The following CIBAR1 variants were observed in gnomAD, a reference collection of about 807,000 sequenced individuals.
The protein encoded by CIBAR1 is CBY1-interacting BAR domain-containing protein 1.
In CIBAR1, 25 loss-of-function variants were observed where a neutral mutation model predicts 44.0. The ratio of observed to expected loss-of-function variants is 0.57; its 90% CI spans 0.41 to 0.79. CIBAR1 has a LOEUF of 0.79. Ranked by LOEUF, CIBAR1 falls within the 30% of genes least tolerant of loss-of-function variation. The pLI, the probability that CIBAR1 is intolerant of heterozygous loss-of-function variation, is 0.00. For missense variants in CIBAR1, 278 were observed against 344.8 expected (o/e 0.81, Z 1.53); for synonymous variants, 115 against 119.0 (o/e 0.97, Z 0.22).
chr8:93,708,219 T>C (rs1445408674), intron 5 of CIBAR1, among the ~76,000 whole-genome samples: 1 of 152,164 alleles, frequency 6.6e-6, no homozygotes, highest in Non-Finnish European at 1.5e-5. Context: ...AAATATAATA[T>C]TAGCACAAGA....
chr8:93,702,260 T>A, intron 2 of CIBAR1: 1 of 427,154 alleles, frequency 2.3e-6, no homozygotes, highest in South Asian at 1.7e-5. Flanking sequence ...AGAGTAATCA[T>A]ATTTGGAGGT....
chr8:93,720,513 T>A (rs1811222837), intron 7 of CIBAR1, among the ~76,000 whole-genome samples: 1 of 152,232 alleles, frequency 6.6e-6, no homozygotes, highest in Non-Finnish European at 1.5e-5. Flanking sequence ...TCCCAAGTGT[T>A]AATTCCAAAC....
intron 6 of CIBAR1, among the ~76,000 whole-genome samples, chr8:93,712,072 TAA>T (rs1310840383): frequency 3.3e-5 from 5 of 152,194 alleles, no homozygotes; most frequent in Non-Finnish European, 7.3e-5. Context: ...AAAAATTTTT[TAA>T]AAGACAGGAA....
chr8:93,706,836 A>G (rs533914145), intron 4 of CIBAR1, among the ~76,000 whole-genome samples: 2 of 152,324 alleles, frequency 1.3e-5, no homozygotes, highest in African/African-American at 4.8e-5. Flanking sequence ...AAATGTAGTC[A>G]ATATAAATAT....
chr8:93,701,935 A>G (rs1810376375), intron 2 of CIBAR1: 1 of 201,712 alleles, frequency 5.0e-6, no homozygotes, highest in Admixed American at 5.4e-5. Flanking sequence ...CAACAACAAA[A>G]TGCTATGAAT....
rs2914949 is a variant in CIBAR1 at position 93,703,219 on chromosome 8, G to A, written c.262-401G>A. On this transcript the variant is annotated intron_variant, in intron 2 of 8. Transcript: ENST00000518322. ...GTTATGTTGCTTTAAATGTTTCCAAGATGCTCTGTCTTTCAGCTTTGATTT... is the reference window on the plus strand; with the variant it reads ...GTTATGTTGCTTTAAATGTTTCCAAAATGCTCTGTCTTTCAGCTTTGATTT... Among the ~76,000 whole-genome samples the A allele has an allele frequency of 1.0e-3, 153 of 152,242 alleles. 1 individual carries two copies. The highest frequency in any genetic ancestry group is 3.7e-3 in the African/African-American group (152 of 41,532).
chr8:93,716,806 T>C (rs1305328591), intron 6 of CIBAR1, among the ~76,000 whole-genome samples: 1 of 152,244 alleles, frequency 6.6e-6, no homozygotes, highest in Non-Finnish European at 1.5e-5. Flanking sequence ...CAGCTGTGTT[T>C]TGCATGTGGT....
chr8:93,717,904 C>G (rs1811095402), intron 6 of CIBAR1, among the ~76,000 whole-genome samples: 1 of 152,180 alleles, frequency 6.6e-6, no homozygotes, highest in Admixed American at 6.5e-5. Context: ...ACATGCACAT[C>G]TTCACTCATA....
At chr8:93,722,939 T>C (rs949570178) in intron 7 of CIBAR1, among the ~76,000 whole-genome samples, 5 of 152,260 alleles carry the variant, frequency 3.3e-5, no homozygotes, top group African/African-American at 9.6e-5. Context: ...GTTAATGTTT[T>C]AAGAAAAATG....
Position 93,701,376 on chromosome 8 carries a change from C to G in CIBAR1, c.179C>G (p.Ala60Gly). ...LLVNEINAYA[A>G]TETPHLKLGL... ...GTGAATGAAATTAACGCGTATGCTGCTACAGAGACCCCGCATTTAAAGCTG... is the reference window on the plus strand; with the variant it reads ...GTGAATGAAATTAACGCGTATGCTGGTACAGAGACCCCGCATTTAAAGCTG... The change falls in exon 2 of 9, where the codon GCT becomes GGT. Residue 60 changes from alanine (A) to glycine (G), a missense_variant. Physicochemically the swap from Ala to Gly is moderately conservative, Grantham distance 60 (BLOSUM62 0). Transcript: ENST00000518322. 1.2e-6 allele frequency: 2 copies of G among 1,613,790 alleles called. No individual in the cohort carries two copies. The highest frequency in any genetic ancestry group is 8.5e-7 in the Non-Finnish European group (1 of 1,179,866).
chr8:93,727,099 G>A (rs1218537998), intron 8 of CIBAR1: 1 of 776,778 alleles, frequency 1.3e-6, no homozygotes, highest in Non-Finnish European at 1.9e-6. Flanking sequence ...CAGTATGACT[G>A]TGTTCTAATA....
chr8:93,703,548 T>A, intron 2 of CIBAR1, 72 bp from the exon 3 acceptor site: 1 of 852,822 alleles, frequency 1.2e-6, no homozygotes, highest in East Asian at 2.8e-5. Context: ...TATCAATTTC[T>A]AGTGATTAGC....
intron 2 of CIBAR1, chr8:93,702,397 C>G (rs1397077486): frequency 5.1e-6 from 2 of 391,674 alleles, no homozygotes; most frequent in Non-Finnish European, 1.0e-5. Context: ...ATCCTAAAAT[C>G]TTATTTTAGC....
At chr8:93,714,412 T>A (rs756202788) in intron 6 of CIBAR1, among the ~76,000 whole-genome samples, 1 of 152,218 alleles carries the variant, frequency 6.6e-6, no homozygotes, top group African/African-American at 2.4e-5. Flanking sequence ...CAACCTACAA[T>A]TTAAATGCAA....
chr8:93,700,957 G>A (rs2130261968), intron 1 of CIBAR1: 1 of 1,375,766 alleles, frequency 7.3e-7, no homozygotes, highest in African/African-American at 1.5e-5. Flanking sequence ...CGGGCGCCCA[G>A]GCCGCGCTGC....
intron 7 of CIBAR1, among the ~76,000 whole-genome samples, chr8:93,722,876 G>C (rs534236723): frequency 6.6e-6 from 1 of 152,254 alleles, no homozygotes; most frequent in South Asian, 2.1e-4. Flanking sequence ...TGTATCCCAA[G>C]GGTTACATAC....
chr8:93,716,421 T>A lies in CIBAR1; in HGVS notation c.544-2254T>A, dbSNP rs1028122424. Among the ~76,000 whole-genome samples, 4 of 151,984 alleles carry A rather than the reference T, an allele frequency of 2.6e-5. No individual in the cohort carries two copies. The East Asian group carries it at 5.8e-4, about 22-fold the overall frequency. ...AGTATTTTTAATAATAGGTAAAAAATCAGTATCATTTGTGTTATTACTGCT... is the reference window on the plus strand; with the variant it reads ...AGTATTTTTAATAATAGGTAAAAAAACAGTATCATTTGTGTTATTACTGCT... On this transcript the variant is annotated intron_variant, in intron 6 of 8. Coordinates refer to ENST00000518322, the MANE Select transcript of CIBAR1 (RefSeq NM_145269.5).
At chr8:93,703,791 G>A (rs1190508876) in intron 3 of CIBAR1, 103 bp downstream of exon 3, 8 of 976,168 alleles carry the variant, frequency 8.2e-6, no homozygotes, top group South Asian at 5.6e-5. Context: ...GTGGCCAAGA[G>A]TGGTGGCTCA....
At position 93,703,830 on chromosome 8, in the gene CIBAR1, C is replaced by T. The variant is rs554316170; in HGVS notation, c.330+142C>T. Reference sequence around the variant, plus strand: ...CTGTAATCCCAACACTTTGGGAGGTCGAGGCGGGCGGATCACGAGGTCAGG... The same window carrying T: ...CTGTAATCCCAACACTTTGGGAGGTTGAGGCGGGCGGATCACGAGGTCAGG... On this transcript the variant is annotated intron_variant, in intron 3 of 8. Coordinates refer to ENST00000518322, the MANE Select transcript of CIBAR1 (RefSeq NM_145269.5). 8.2e-4 allele frequency: 481 copies of T among 584,516 alleles called. 3 individuals are homozygous for T. In the African/African-American group the frequency reaches 8.3e-3, roughly 10 times the overall value. 36.2% of individuals were successfully genotyped at this position (584,516 alleles called of 1,614,324 possible). A position where few individuals can be genotyped will look rare whatever the true frequency, so the allele number is the denominator to read the frequency against.
Sources: gnomAD v4.1 joint callset for allele counts (sites outside exome capture counted in the v4.1 genomes callset) on GRCh38, gnomAD v4.1.1 for gene constraint, MANE v1.5 for transcripts, NCBI Gene and HGNC (gene_info 2026-07-23, HGNC 2026-07-21) for gene names.